The following TFEC variants were observed in gnomAD, a reference collection of about 807,000 sequenced individuals.
TFEC encodes the protein transcription factor EC.
Under a neutral mutation model 41.6 loss-of-function variants are expected in TFEC, and 31 were observed. The observed-to-expected ratio is 0.74, with a 90% CI of 0.56 to 1.01. The LOEUF is 1.01. Ranked by LOEUF, TFEC falls within the 50% of genes least tolerant of loss-of-function variation. TFEC has a pLI of 0.00. For synonymous variants in TFEC, 143 were observed against 140.6 expected (o/e 1.02, Z -0.12); for missense variants, 402 against 404.1 (o/e 0.99, Z 0.04).
chr7:115,956,709 T>G lies in TFEC; in HGVS notation c.352A>C (p.Ser118Arg). ...NMGLTSASCP[S>R]SLPMKREITE... is the part of the protein sequence containing the mutation. Reference sequence around the variant, plus strand: ...ATTTCTCTTTTCATTGGTAGACTACTTGGACAAGAAGCACTTGTAAGCCCC... The same window carrying G: ...ATTTCTCTTTTCATTGGTAGACTACGTGGACAAGAAGCACTTGTAAGCCCC... Residue 118 changes from serine (S) to arginine (R), a missense_variant, in exon 4 of 8, where the codon AGT (serine) becomes CGT (arginine). By Grantham distance (110) the Ser-to-Arg change is moderately radical. Transcript: ENST00000265440. 7.5e-6 allele frequency: 12 copies of G among 1,609,686 alleles called. No individual in the cohort carries two copies. Among genetic ancestry groups the G allele is most frequent in the Admixed American group, 1.7e-5 (1 of 59,632 alleles).
intron 1 of TFEC, among the ~76,000 whole-genome samples, chr7:116,008,716 T>A (rs977214750): frequency 6.6e-6 from 1 of 152,200 alleles, no homozygotes; most frequent in Non-Finnish European, 1.5e-5. Context: ...GATATACCCA[T>A]AAATCTCATC....
chr7:115,939,397 C>T lies in TFEC; in HGVS notation c.*1154G>A, dbSNP rs1793379266. The T allele has an allele frequency of 6.6e-6, 1 of 151,980 alleles. No individual in the cohort carries two copies. 9.4% of individuals were successfully genotyped at this position (151,980 alleles called of 1,614,324 possible). ...TAGTTATAAGTGCTTATAATAAATG[C>T]TAACAGTGCAACCAAAGATCATAGG... On this transcript the variant is annotated 3_prime_UTR_variant, in exon 8 of 8. Transcript: ENST00000265440.
At chr7:116,145,139 A>G (rs552870090) in intron 1 of TFEC, among the ~76,000 whole-genome samples, 2 of 152,316 alleles carry the variant, frequency 1.3e-5, no homozygotes, top group South Asian at 4.1e-4. Flanking sequence ...TTGTGGAATT[A>G]TTCTTTTCAC....
chr7:115,952,627 A>T (rs890193106), intron 5 of TFEC, among the ~76,000 whole-genome samples: 1 of 152,030 alleles, frequency 6.6e-6, no homozygotes, highest in African/African-American at 2.4e-5. Context: ...TAGTCTATGA[A>T]TTTTTAAATG....
intron 3 of TFEC, among the ~76,000 whole-genome samples, chr7:116,052,427 G>GGTCT (rs1796332646): frequency 6.6e-6 from 1 of 151,912 alleles, no homozygotes; most frequent in Non-Finnish European, 1.5e-5. Flanking sequence ...TAAGTTGTTT[G>GGTCT]GTTTGTTTGT....
intron 6 of TFEC, among the ~76,000 whole-genome samples, chr7:115,948,427 A>G (rs528157472): frequency 1.3e-5 from 2 of 152,326 alleles, no homozygotes; most frequent in Admixed American, 1.3e-4. Flanking sequence ...ACACTTGATG[A>G]ACATTGATGC....
At chr7:116,029,584 G>A (rs1396042676) in intron 1 of TFEC, among the ~76,000 whole-genome samples, 1 of 151,892 alleles carries the variant, frequency 6.6e-6, no homozygotes, top group African/African-American at 2.4e-5. Flanking sequence ...CCCTTAAAAT[G>A]CATATTCCCA....
At chr7:116,016,838 C>A (rs1478861703) in intron 1 of TFEC, among the ~76,000 whole-genome samples, 1 of 151,926 alleles carries the variant, frequency 6.6e-6, no homozygotes, top group Non-Finnish European at 1.5e-5. Flanking sequence ...ATCTACCTAT[C>A]TCTCTATATA....
intron 3 of TFEC, among the ~76,000 whole-genome samples, chr7:116,040,599 C>T (rs780312768): frequency 6.6e-6 from 1 of 152,130 alleles, no homozygotes. Context: ...GGTTAATAAT[C>T]TATCATAATG....
intron 3 of TFEC, among the ~76,000 whole-genome samples, chr7:116,075,369 G>A (rs760425652): frequency 1.3e-5 from 2 of 152,160 alleles, no homozygotes; most frequent in Non-Finnish European, 2.9e-5. Flanking sequence ...AGAAAGCTGA[G>A]GGAATCCACA....
chr7:115,989,723 C>A (rs1562916294), intron 1 of TFEC, among the ~76,000 whole-genome samples: 1 of 152,116 alleles, frequency 6.6e-6, no homozygotes. Flanking sequence ...AACAAAGCGG[C>A]CGGGAAGCTT....
intron 3 of TFEC, among the ~76,000 whole-genome samples, chr7:116,091,910 C>T (rs1797338198): frequency 6.6e-6 from 1 of 152,034 alleles, no homozygotes; most frequent in Admixed American, 6.6e-5. Flanking sequence ...TATTCATCCC[C>T]TTTAACCATT....
intron 3 of TFEC, among the ~76,000 whole-genome samples, chr7:116,069,423 C>A (rs1477785936): frequency 6.6e-6 from 1 of 151,362 alleles, no homozygotes; most frequent in Non-Finnish European, 1.5e-5. Context: ...ATGTTTGATA[C>A]ATATTCCTTC....
intron 1 of TFEC, among the ~76,000 whole-genome samples, chr7:116,025,786 G>T (rs568311565): frequency 6.6e-6 from 1 of 152,222 alleles, no homozygotes; most frequent in African/African-American, 2.4e-5. Context: ...AGAGAGAATT[G>T]CTGCAGTAAA....
chr7:116,125,744 A>G (rs1798196313), intron 1 of TFEC, among the ~76,000 whole-genome samples: 1 of 152,212 alleles, frequency 6.6e-6, no homozygotes. Flanking sequence ...TAGAGAAACG[A>G]AGACCAAAAG....
chr7:116,013,932 G>A (rs1007721299), intron 1 of TFEC, among the ~76,000 whole-genome samples: 2 of 152,022 alleles, frequency 1.3e-5, no homozygotes, highest in Non-Finnish European at 2.9e-5. Context: ...TACAGTACAG[G>A]ACAATGTTAC....
chr7:116,156,042 A>G (rs1798865365), intron 1 of TFEC, among the ~76,000 whole-genome samples: 1 of 152,124 alleles, frequency 6.6e-6, no homozygotes, highest in Non-Finnish European at 1.5e-5. Flanking sequence ...GTATTCCTTT[A>G]AATTTCATAC....
chr7:116,121,380 A>G (rs769070843), intron 1 of TFEC: 5 of 152,008 alleles, frequency 3.3e-5, no homozygotes, highest in Non-Finnish European at 7.4e-5. Flanking sequence ...CAAAAAGCCA[A>G]TTAGTGGTTG....
intron 1 of TFEC, among the ~76,000 whole-genome samples, chr7:116,135,957 C>A (rs1356321883): frequency 1.3e-5 from 2 of 152,064 alleles, no homozygotes; most frequent in Non-Finnish European, 2.9e-5. Context: ...TTTTAGGGTT[C>A]TCTGCAAAGA....
Sources: gnomAD v4.1 joint callset for allele counts (sites outside exome capture counted in the v4.1 genomes callset) on GRCh38, gnomAD v4.1.1 for gene constraint, MANE v1.5 for transcripts, NCBI Gene and HGNC (gene_info 2026-07-23, HGNC 2026-07-21) for gene names.